The following CNTN6 variants were observed in gnomAD, a reference collection of about 807,000 sequenced individuals.
CNTN6 encodes contactin-6.
In CNTN6, 137 loss-of-function variants were observed where a neutral mutation model predicts 122.8. The ratio of observed to expected loss-of-function variants is 1.12; its 90% CI spans 0.97 to 1.29. The LOEUF is 1.29. CNTN6 is among the 50% of genes most tolerant of loss of function. The pLI, the probability that CNTN6 is intolerant of heterozygous loss-of-function variation, is 0.00. For missense variants in CNTN6, 1,634 were observed against 1,223.4 expected (o/e 1.34, Z -5.01); for synonymous variants, 570 against 426.0 (o/e 1.34, Z -4.16).
intron 2 of CNTN6, among the ~76,000 whole-genome samples, chr3:1,205,183 A>G (rs1411868634): frequency 6.6e-6 from 1 of 152,156 alleles, no homozygotes; most frequent in Non-Finnish European, 1.5e-5. Flanking sequence ...TAGAAGTCGT[A>G]TAAGGCAAGG....
chr3:1,371,933 G>A (rs983023441), intron 12 of CNTN6, among the ~76,000 whole-genome samples: 1 of 152,086 alleles, frequency 6.6e-6, no homozygotes, highest in Non-Finnish European at 1.5e-5. Context: ...TTAACAGAGA[G>A]CATTTAGAGC....
At chr3:1,225,194 A>G (rs73109262) in intron 3 of CNTN6, among the ~76,000 whole-genome samples, 25,073 of 152,234 alleles carry the variant, frequency 0.16, 3,776 homozygotes, top group African/African-American at 0.4. Flanking sequence ...TTTAAAACAC[A>G]TTTCCTAGGT....
chr3:1,243,304 G>A lies in CNTN6; in HGVS notation c.358+15311G>A, dbSNP rs540410764. ...CTGGGGAAGGAGGTTCTGGGGGAAC[G>A]CCTGGCTGCTGCGGTTCAGGTGTTT... On this transcript the variant is annotated intron_variant, in intron 4 of 22. Coordinates refer to ENST00000446702, the MANE Select transcript of CNTN6 (RefSeq NM_001289080.2). Among the ~76,000 whole-genome samples, 1,394 of 152,132 alleles carry A rather than the reference G, an allele frequency of 9.2e-3. 16 individuals carry two copies. Among genetic ancestry groups the A allele is most frequent in the African/African-American group, 0.031 (1,274 of 41,412 alleles).
intron 1 of CNTN6, among the ~76,000 whole-genome samples, chr3:1,105,744 A>G (rs895348529): frequency 1.3e-5 from 2 of 152,162 alleles, no homozygotes; most frequent in African/African-American, 4.8e-5. Flanking sequence ...ATATAGGTCC[A>G]GTGTTATCAA....
At chr3:1,362,357 C>T (rs147697057) in intron 12 of CNTN6, among the ~76,000 whole-genome samples, 11 of 151,914 alleles carry the variant, frequency 7.2e-5, no homozygotes, top group Middle Eastern at 3.4e-3. Flanking sequence ...CAGGTCACAG[C>T]GATAGAAATA....
At chr3:1,285,399 G>A (rs773293166) in intron 5 of CNTN6, among the ~76,000 whole-genome samples, 4 of 152,096 alleles carry the variant, frequency 2.6e-5, no homozygotes, top group Non-Finnish European at 5.9e-5. Context: ...ATGTTCAGAT[G>A]CCAGTTAGAT....
chr3:1,104,366 T>C (rs1208014187), intron 1 of CNTN6, among the ~76,000 whole-genome samples: 4 of 152,164 alleles, frequency 2.6e-5, no homozygotes, highest in Non-Finnish European at 4.4e-5. Flanking sequence ...GAGAGTGAGA[T>C]ATTCTGGGTT....
At chr3:1,343,748 C>T (rs920098436) in intron 11 of CNTN6, among the ~76,000 whole-genome samples, 5 of 151,984 alleles carry the variant, frequency 3.3e-5, no homozygotes, top group Non-Finnish European at 7.4e-5. Context: ...ATTTAATTCT[C>T]AAAACAAGAT....
intron 8 of CNTN6, among the ~76,000 whole-genome samples, chr3:1,324,435 C>T (rs1701266331): frequency 6.7e-6 from 1 of 149,660 alleles, no homozygotes; most frequent in Non-Finnish European, 1.5e-5. Context: ...GGAGTGTTGT[C>T]TCAGGTGCAA....
intron 19 of CNTN6, among the ~76,000 whole-genome samples, chr3:1,384,818 T>TAG (rs1387217931): frequency 7.2e-6 from 1 of 139,176 alleles, no homozygotes. Context: ...CACACATATA[T>TAG]ATATATATAT....
intron 8 of CNTN6, 46 bp from the exon 9 acceptor site, chr3:1,325,769 G>A (rs749505843): frequency 2.5e-6 from 4 of 1,594,792 alleles, no homozygotes; most frequent in Non-Finnish European, 3.4e-6. Context: ...TAATGTCTTG[G>A]ATAACTGCCT....
At chr3:1,390,815 A>G (rs1239881396) in intron 20 of CNTN6, among the ~76,000 whole-genome samples, 3 of 151,420 alleles carry the variant, frequency 2.0e-5, no homozygotes, top group Admixed American at 6.6e-5. Flanking sequence ...GAAGAAATGG[A>G]TAAATTCCTC....
intron 12 of CNTN6, among the ~76,000 whole-genome samples, chr3:1,355,444 C>G (rs541458332): frequency 6.6e-6 from 1 of 151,756 alleles, no homozygotes; most frequent in South Asian, 2.1e-4. Context: ...TTGAAGACAT[C>G]ACTGCCAAGG....
At chr3:1,358,806 C>T (rs1010548586) in intron 12 of CNTN6, among the ~76,000 whole-genome samples, 1 of 152,016 alleles carries the variant, frequency 6.6e-6, no homozygotes, top group African/African-American at 2.4e-5. Flanking sequence ...TGTGGTGGCT[C>T]ATGCCTGTAA....
chr3:1,264,601 G>T (rs1165943530), intron 4 of CNTN6, among the ~76,000 whole-genome samples: 2 of 151,838 alleles, frequency 1.3e-5, no homozygotes, highest in African/African-American at 2.4e-5. Flanking sequence ...AATAATAATT[G>T]TATAGATTTA....
At chr3:1,215,610 T>C (rs554571709) in intron 2 of CNTN6, among the ~76,000 whole-genome samples, 2 of 152,322 alleles carry the variant, frequency 1.3e-5, no homozygotes, top group Admixed American at 6.5e-5. Flanking sequence ...TAAAACTGTT[T>C]TGAGGAATTC....
intron 16 of CNTN6, among the ~76,000 whole-genome samples, chr3:1,376,450 A>G (rs758823693): frequency 6.6e-5 from 10 of 152,146 alleles, no homozygotes. Flanking sequence ...CTGACTTTGC[A>G]AGTGAAAAGT....
At chr3:1,109,373 A>G (rs941229695) in intron 1 of CNTN6, among the ~76,000 whole-genome samples, 1 of 152,100 alleles carries the variant, frequency 6.6e-6, no homozygotes, top group Non-Finnish European at 1.5e-5. Context: ...TATAGTTTCT[A>G]ATCTTTTATT....
Position 1,264,180 on chromosome 3 carries a change from T to C in CNTN6, c.359-14233T>C, listed in dbSNP as rs3913301. ...TTTCTCTGGGTTGACTGATCATTAA[T>C]CAAATATTTTTTGAGTACCTACTGT... is the stretch of plus-strand genomic sequence containing the variant. On this transcript the variant is annotated intron_variant, in intron 4 of 22. Coordinates refer to ENST00000446702, the MANE Select transcript of CNTN6 (RefSeq NM_001289080.2). Among the ~76,000 whole-genome samples, 367 of 152,260 alleles carry C rather than the reference T, an allele frequency of 2.4e-3. 4 individuals carry two copies. Among genetic ancestry groups the C allele is most frequent in the African/African-American group, 8.1e-3 (335 of 41,550 alleles).
Sources: gnomAD v4.1 joint callset for allele counts (sites outside exome capture counted in the v4.1 genomes callset) on GRCh38, gnomAD v4.1.1 for gene constraint, MANE v1.5 for transcripts, NCBI Gene and HGNC (gene_info 2026-07-23, HGNC 2026-07-21) for gene names.